ENOX1: variants seen among roughly 807,000 people sequenced by gnomAD.
The protein encoded by ENOX1 is ecto-NOX disulfide-thiol exchanger 1, also known as candidate growth-related and time keeping constitutive hydroquinone (NADH) oxidase.
In ENOX1, 42 loss-of-function variants were observed where a neutral mutation model predicts 82.5. The ratio of observed to expected loss-of-function variants is 0.51; its 90% CI spans 0.40 to 0.66. The LOEUF is 0.66. ENOX1 is among the 30% of genes least tolerant of loss of function. The pLI, the probability that ENOX1 is intolerant of heterozygous loss-of-function variation, is 0.00. For missense variants in ENOX1, 608 were observed against 811.6 expected, an observed-to-expected ratio of 0.75 and a Z score of 3.05; for synonymous variants, 271 against 282.2, an observed-to-expected ratio of 0.96 and a Z score of 0.40.
chr13:43,356,115 C>T lies in ENOX1; in HGVS notation c.627G>A (p.Lys209=). ...RMRLGSSTDK[K]DSGRLHVDFA... ...AGTCCACATGAAGGCGGCCTGAATC[C>T]TTTTTGTCGGTGCTAGACCCTAATC... Residue 209 remains lysine (K), a synonymous_variant, in exon 8 of 17, where the codon AAG becomes AAA. Transcript: ENST00000690772. The T allele has an allele frequency of 1.9e-6, 3 of 1,614,166 alleles. No individual in the cohort carries two copies. Among genetic ancestry groups the T allele is most frequent in the Non-Finnish European group, 2.5e-6 (3 of 1,180,038 alleles).
intron 2 of ENOX1, among the ~76,000 whole-genome samples, chr13:43,645,421 A>G (rs1181270154): frequency 6.6e-6 from 1 of 152,156 alleles, no homozygotes; most frequent in Non-Finnish European, 1.5e-5. Flanking sequence ...AGCCTACCAA[A>G]GTGCTGGGAT....
At chr13:43,251,348 CCAAA>C (rs546865254) in intron 14 of ENOX1, among the ~76,000 whole-genome samples, 1 of 152,200 alleles carries the variant, frequency 6.6e-6, no homozygotes, top group South Asian at 2.1e-4. Context: ...CCTAACCACT[CCAAA>C]CAGATTCATG....
At chr13:43,445,575 A>G (rs1594651433) in intron 3 of ENOX1, among the ~76,000 whole-genome samples, 1 of 152,220 alleles carries the variant, frequency 6.6e-6, no homozygotes, top group East Asian at 1.9e-4. Flanking sequence ...CTGAATGGCG[A>G]TTGAAGGGCA....
chr13:43,480,952 T>C (rs1443318964), intron 3 of ENOX1, among the ~76,000 whole-genome samples: 1 of 152,182 alleles, frequency 6.6e-6, no homozygotes, highest in Non-Finnish European at 1.5e-5. Context: ...TCTCAAACTC[T>C]TCTAAAAAAT....
At chr13:43,580,575 T>A (rs1228021974) in intron 2 of ENOX1, among the ~76,000 whole-genome samples, 2 of 152,230 alleles carry the variant, frequency 1.3e-5, no homozygotes, top group Non-Finnish European at 2.9e-5. Context: ...GACTTTGATG[T>A]CAGTGTGTGT....
chr13:43,616,204 A>AGATATATATATATATATATTT (rs1555341947), intron 2 of ENOX1, among the ~76,000 whole-genome samples: 12 of 15,304 alleles, frequency 7.8e-4, no homozygotes, highest in African/African-American at 1.4e-3. Flanking sequence ...ATATATATAT[A>AGATATATATATATATATATTT]TTTTTTTTTT....
intron 12 of ENOX1, among the ~76,000 whole-genome samples, chr13:43,287,695 CA>C (rs745797605): frequency 2.0e-5 from 3 of 152,162 alleles, no homozygotes; most frequent in Non-Finnish European, 4.4e-5. Context: ...CATCCTCACT[CA>C]AAACTGCTAA....
At position 43,541,125 on chromosome 13, in the gene ENOX1, A is replaced by G. The variant is rs180997335; in HGVS notation, c.-218-56973T>C. On this transcript the variant is annotated intron_variant, in intron 2 of 16. Transcript: ENST00000690772. ...TATTTACAAATATCACAAGCTTATGAAAACCTCTCATAGTTCCACACTCTC... is the reference window on the plus strand; with the variant it reads ...TATTTACAAATATCACAAGCTTATGGAAACCTCTCATAGTTCCACACTCTC... Among the ~76,000 whole-genome samples, 4 of 144,892 alleles carry G rather than the reference A, an allele frequency of 2.8e-5. No homozygotes were observed. In the East Asian group the frequency reaches 8.5e-4, roughly 31 times the overall value.
intron 2 of ENOX1, among the ~76,000 whole-genome samples, chr13:43,625,250 AT>A (rs1027741497): frequency 1.3e-5 from 2 of 151,902 alleles, no homozygotes; most frequent in East Asian, 1.9e-4. Context: ...TAACTCCAGG[AT>A]TTTTTTATAG....
intron 14 of ENOX1, among the ~76,000 whole-genome samples, chr13:43,261,249 A>G (rs1421988930): frequency 2.6e-5 from 4 of 152,202 alleles, no homozygotes; most frequent in Non-Finnish European, 5.9e-5. Flanking sequence ...TCTTGAGACT[A>G]AGACAAATGA....
At chr13:43,266,926 G>A (rs970676257) in intron 13 of ENOX1, among the ~76,000 whole-genome samples, 6 of 152,084 alleles carry the variant, frequency 3.9e-5, no homozygotes, top group Non-Finnish European at 7.4e-5. Context: ...CCACCTTTAC[G>A]TGTTTACCAA....
chr13:43,713,912 C>T (rs1182291393), intron 1 of ENOX1, among the ~76,000 whole-genome samples: 1 of 151,012 alleles, frequency 6.6e-6, no homozygotes, highest in Non-Finnish European at 1.5e-5. Flanking sequence ...TCTCTATTTC[C>T]TCCAGTTCTG....
chr13:43,551,799 T>C (rs2079207504), intron 2 of ENOX1, among the ~76,000 whole-genome samples: 3 of 152,194 alleles, frequency 2.0e-5, no homozygotes, highest in East Asian at 1.9e-4. Context: ...CCCAGCACAA[T>C]TGTGTCCACA....
chr13:43,288,067 A>C (rs998342496), intron 12 of ENOX1, among the ~76,000 whole-genome samples: 1 of 152,216 alleles, frequency 6.6e-6, no homozygotes, highest in Non-Finnish European at 1.5e-5. Flanking sequence ...AATTATGAGG[A>C]TTATCATCTT....
intron 2 of ENOX1, among the ~76,000 whole-genome samples, chr13:43,601,782 G>C (rs9533545): frequency 0.43 from 65,052 of 151,950 alleles, 16,464 homozygotes; most frequent in East Asian, 0.8. Flanking sequence ...TCAGGGATAA[G>C]GAAAGGATTC....
At chr13:43,261,267 C>G (rs1456353942) in intron 14 of ENOX1, among the ~76,000 whole-genome samples, 1 of 152,158 alleles carries the variant, frequency 6.6e-6, no homozygotes. Flanking sequence ...TGAGGAAATA[C>G]AAGACTCTAC....
At chr13:43,219,015 T>G (rs1475276940) in intron 16 of ENOX1, among the ~76,000 whole-genome samples, 1 of 152,196 alleles carries the variant, frequency 6.6e-6, no homozygotes, top group African/African-American at 2.4e-5. Flanking sequence ...GAGTCATTAC[T>G]TAAACCAAGC....
intron 2 of ENOX1, among the ~76,000 whole-genome samples, chr13:43,602,723 G>C (rs1256609488): frequency 2.6e-5 from 4 of 152,012 alleles, no homozygotes; most frequent in Non-Finnish European, 5.9e-5. Context: ...AAGGGTTTGA[G>C]GAGATGATAT....
At chr13:43,589,304 C>A (rs1331800350) in intron 2 of ENOX1, among the ~76,000 whole-genome samples, 3 of 141,990 alleles carry the variant, frequency 2.1e-5, no homozygotes, top group African/African-American at 5.3e-5. Flanking sequence ...GTACTAGAAA[C>A]AACCTCACCC....
Sources: allele counts gnomAD v4.1 joint callset (sites outside exome capture counted in the v4.1 genomes callset), GRCh38; gene constraint gnomAD v4.1.1; transcripts MANE v1.5; gene names NCBI Gene and HGNC (gene_info 2026-07-23, HGNC 2026-07-21).